The following MPPED1 variants were observed in gnomAD, a reference collection of about 807,000 sequenced individuals.
The protein encoded by MPPED1 is metallophosphoesterase domain containing 1.
In MPPED1, 16 loss-of-function variants were observed where a neutral mutation model predicts 36.2. The ratio of observed to expected loss-of-function variants is 0.44; its 90% CI spans 0.30 to 0.67. The LOEUF (loss-of-function observed/expected upper bound fraction) is 0.67. Among genes scored for constraint, MPPED1 ranks in the 30% least tolerant of loss-of-function variants. MPPED1 has a pLI of 0.10. For missense variants in MPPED1, 307 were observed against 453.4 expected (o/e 0.68, Z 2.93); for synonymous variants, 199 against 191.3 (o/e 1.04, Z -0.33).
Position 43,425,117 on chromosome 22 carries a change from C to T in MPPED1, c.132C>T (p.Ile44=), listed in dbSNP as rs1042458829. ...AARRHQHSRL[I]IEVDEYSSNP... ...GGCGGCACCAGCACAGCCGGCTCAT[C>T]ATCGAGGTGGACGAGTACAGCTCCA... Residue 44 remains isoleucine, a synonymous_variant, in exon 2 of 7, where the codon ATC becomes ATT. Transcript: ENST00000443721. 1.2e-6 allele frequency: 2 copies of T among 1,613,892 alleles called. No individual in the cohort carries two copies. The highest frequency in any genetic ancestry group is 3.3e-5 in the Admixed American group (2 of 60,036).
intron 4 of MPPED1, among the ~76,000 whole-genome samples, chr22:43,483,535 CG>C (rs1931814851): frequency 6.6e-6 from 1 of 152,278 alleles, no homozygotes; most frequent in African/African-American, 2.4e-5. Context: ...GAGACACAGG[CG>C]GGCCCGGCAC....
chr22:43,432,528 GAT>G (rs1424740227), intron 2 of MPPED1, among the ~76,000 whole-genome samples: 8 of 110,944 alleles, frequency 7.2e-5, no homozygotes, highest in Non-Finnish European at 1.1e-4. Flanking sequence ...GGAGGAGAGA[GAT>G]AAAGGGAGGA....
At chr22:43,447,883 A>ATATATATATATATATATATATATATTTT (rs1321289636) in intron 3 of MPPED1, among the ~76,000 whole-genome samples, 2 of 67,696 alleles carry the variant, frequency 3.0e-5, no homozygotes, top group African/African-American at 6.7e-5. Flanking sequence ...ATATATATAT[A>ATATATATATATATATATATATATATTTT]TTTTTTTTTT....
chr22:43,440,653 C>T (rs1930117296), intron 3 of MPPED1, among the ~76,000 whole-genome samples: 1 of 152,186 alleles, frequency 6.6e-6, no homozygotes, highest in Admixed American at 6.5e-5. Context: ...AGGTGCCAGG[C>T]TGGCCTCCCC....
In MPPED1 at chr22:43,505,389, C is replaced by T. The variant is rs566243021; in HGVS notation, c.863-109C>T. 98 of 906,808 alleles carry T rather than the reference C, an allele frequency of 1.1e-4. No homozygotes were observed. The African/African-American group carries it at 1.3e-3, about 12-fold the overall frequency. 56.2% of individuals were successfully genotyped at this position (906,808 alleles called of 1,614,324 possible). A position where few individuals can be genotyped will look rare whatever the true frequency, so the allele number is the denominator to read the frequency against. The stretch of plus-strand genomic sequence containing the variant: ...TGACCTCGAGAGTTTACCAGCTTGC[C>T]CCAAACACATTCAGCCCACAGGGGC... On this transcript the variant is annotated intron_variant, in intron 6 of 6. Transcript: ENST00000443721.
rs773939604 is a variant in MPPED1 at position 43,425,179 on chromosome 22, A to T, written c.194A>T (p.Gln65Leu). Residue 65 changes from glutamine to leucine, a missense_variant, in exon 2 of 7, where the codon CAG becomes CTG. Around this residue, in one of 3 missense-constraint regions of MPPED1, gnomAD observed 169 missense variants for 212.3 expected, o/e 0.80. Transcript: ENST00000443721. Reference sequence around the variant, plus strand: ...GCCTTCACCTTCTACAACATCAACCAGGGCCGCTTCCAGCCACCGCATGTG... The same window carrying T: ...GCCTTCACCTTCTACAACATCAACCTGGGCCGCTTCCAGCCACCGCATGTG... ...TQAFTFYNIN[Q>L]GRFQPPHVQM... The T allele has an allele frequency of 7.2e-7, 1 of 1,389,392 alleles. No individual in the cohort carries two copies. The highest frequency in any genetic ancestry group is 9.6e-7 in the Non-Finnish European group (1 of 1,040,010). 86.1% of individuals were successfully genotyped at this position (1,389,392 alleles called of 1,614,324 possible).
intron 1 of MPPED1, 94 bp downstream of exon 1, chr22:43,412,252 G>T: frequency 2.5e-6 from 2 of 807,050 alleles, no homozygotes; most frequent in Non-Finnish European, 3.0e-6. Context: ...GGCGACGCCC[G>T]CGGCGCTGCG....
At chr22:43,424,755 T>G (rs1462146351) in intron 1 of MPPED1, among the ~76,000 whole-genome samples, 153 bp from the exon 2 acceptor site, 1 of 151,588 alleles carries the variant, frequency 6.6e-6, no homozygotes, top group East Asian at 1.9e-4. Context: ...AACTGCTGAG[T>G]TGGAAAGATT....
At chr22:43,456,460 G>A (rs993658258) in intron 3 of MPPED1, among the ~76,000 whole-genome samples, 7 of 152,060 alleles carry the variant, frequency 4.6e-5, no homozygotes, top group Non-Finnish European at 5.9e-5. Flanking sequence ...TCTTTGTCAG[G>A]TTCAGAAGAT....
rs1932793326 is a variant in MPPED1, at chr22:43,505,601, A to C, written c.966A>C (p.Thr322=). ...VNPPIVIDLP[T]PRNS ...CGCCCATAGTCATCGACCTCCCCAC[A>C]CCCCGGAACTCCTGACTGCTCCCCA... The change falls in exon 7 of 7, where the codon ACA becomes ACC. Residue 322 remains threonine, a synonymous_variant. Coordinates refer to ENST00000443721, the MANE Select transcript of MPPED1 (RefSeq NM_001044370.2). 4 of 1,608,772 alleles carry C rather than the reference A, an allele frequency of 2.5e-6. No homozygotes were observed. The highest frequency in any genetic ancestry group is 1.7e-5 in the Admixed American group (1 of 59,508).
At chr22:43,467,001 T>G (rs1569079169) in intron 3 of MPPED1, among the ~76,000 whole-genome samples, 1 of 152,222 alleles carries the variant, frequency 6.6e-6, no homozygotes, top group Non-Finnish European at 1.5e-5. Flanking sequence ...TCAAACTTGC[T>G]TAAAAACAAA....
chr22:43,440,406 G>A (rs540047745), intron 3 of MPPED1, among the ~76,000 whole-genome samples: 1 of 152,244 alleles, frequency 6.6e-6, no homozygotes, highest in East Asian at 1.9e-4. Context: ...CCCCCTGGAG[G>A]CCAGGGTGCT....
rs1929641882 is a variant in MPPED1 at position 43,430,615 on chromosome 22, C to G, written c.225-4419C>G. Among the ~76,000 whole-genome samples the G allele has an allele frequency of 2.0e-5, 3 of 152,218 alleles. No individual in the cohort carries two copies. In the South Asian group the frequency reaches 6.2e-4, roughly 32 times the overall value. Reference sequence around the variant, plus strand: ...TGAGATGGGTGTCAGGTCTCAGAACCACCCCAGTAGGCAGAAGCTTTGGGG... The same window carrying G: ...TGAGATGGGTGTCAGGTCTCAGAACGACCCCAGTAGGCAGAAGCTTTGGGG... On this transcript the variant is annotated intron_variant, in intron 2 of 6. Coordinates refer to ENST00000443721, the MANE Select transcript of MPPED1 (RefSeq NM_001044370.2).
At chr22:43,495,480 TGG>T (rs1932251508) in intron 4 of MPPED1, among the ~76,000 whole-genome samples, 1 of 48,730 alleles carries the variant, frequency 2.1e-5, no homozygotes, top group Non-Finnish European at 3.5e-5. Flanking sequence ...ATGGTGGAGG[TGG>T]TGGTGGAGGT....
At chr22:43,424,008 C>T (rs1257130682) in intron 1 of MPPED1, among the ~76,000 whole-genome samples, 2 of 149,148 alleles carry the variant, frequency 1.3e-5, no homozygotes, top group East Asian at 4.0e-4. Flanking sequence ...CACCTGGGGC[C>T]TGCATTTCCA....
At chr22:43,467,659 C>A (rs921097052) in intron 3 of MPPED1, among the ~76,000 whole-genome samples, 3 of 152,168 alleles carry the variant, frequency 2.0e-5, no homozygotes, top group African/African-American at 7.2e-5. Flanking sequence ...AAACACAGAA[C>A]TGTCAAAGAT....
chr22:43,458,072 A>C (rs990521495), intron 3 of MPPED1, among the ~76,000 whole-genome samples: 3 of 152,154 alleles, frequency 2.0e-5, no homozygotes, highest in Non-Finnish European at 2.9e-5. Context: ...GCCTGTAGTG[A>C]TAGGCTGTAC....
intron 2 of MPPED1, among the ~76,000 whole-genome samples, chr22:43,430,391 T>C (rs1411619223): frequency 3.3e-5 from 5 of 152,174 alleles, no homozygotes; most frequent in Admixed American, 3.3e-4. Flanking sequence ...TCTCACAACA[T>C]GACAAAGAGG....
chr22:43,484,054 G>A (rs1931834268), intron 4 of MPPED1, among the ~76,000 whole-genome samples: 1 of 152,256 alleles, frequency 6.6e-6, no homozygotes, highest in Non-Finnish European at 1.5e-5. Context: ...ACGGCCATTA[G>A]GACTATGTCG....
Sources: allele counts gnomAD v4.1 joint callset (sites outside exome capture counted in the v4.1 genomes callset), GRCh38; gene constraint gnomAD v4.1.1; regional missense constraint gnomAD v4.1.1; transcripts MANE v1.5; gene names NCBI Gene and HGNC (gene_info 2026-07-23, HGNC 2026-07-21).